The following ARHGAP10 variants were observed in gnomAD, a reference collection of about 807,000 sequenced individuals.
ARHGAP10 encodes the protein rho GTPase-activating protein 10.
ARHGAP10 carries 87 observed loss-of-function variants against 108.6 expected under a neutral mutation model. The ratio of observed to expected loss-of-function variants is 0.80; its 90% CI spans 0.67 to 0.96. The LOEUF (loss-of-function observed/expected upper bound fraction) is 0.96, where lower values mean the gene tolerates loss of function less well. Ranked by LOEUF, ARHGAP10 falls within the 40% of genes least tolerant of loss-of-function variation. The probability of loss-of-function intolerance (pLI) is 0.00; values close to 1 mark genes in which losing one functional copy is unlikely to be tolerated. For missense variants in ARHGAP10, 939 were observed against 954.5 expected (o/e 0.98, Z 0.21); for synonymous variants, 347 against 341.1 (o/e 1.02, Z -0.19).
chr4:147,848,941 C>A (rs529565261), intron 4 of ARHGAP10, among the ~76,000 whole-genome samples: 1 of 152,212 alleles, frequency 6.6e-6, no homozygotes, highest in Non-Finnish European at 1.5e-5. Context: ...TGACCAAATT[C>A]TTTCCTGAAG....
At chr4:147,752,952 T>G (rs1019586812) in intron 1 of ARHGAP10, among the ~76,000 whole-genome samples, 7 of 152,266 alleles carry the variant, frequency 4.6e-5, no homozygotes, top group African/African-American at 1.4e-4. Context: ...ATTTTTATTC[T>G]CTTTGGTGAT....
At chr4:148,057,684 C>T (rs1054246524) in intron 20 of ARHGAP10, among the ~76,000 whole-genome samples, 5 of 152,232 alleles carry the variant, frequency 3.3e-5, no homozygotes, top group African/African-American at 7.2e-5. Context: ...GCCCTCCTGG[C>T]TATCCCCATG....
chr4:147,913,950 C>T (rs996455749), intron 13 of ARHGAP10, among the ~76,000 whole-genome samples: 6 of 152,056 alleles, frequency 3.9e-5, no homozygotes, highest in East Asian at 3.9e-4. Flanking sequence ...GCTGGGAGTT[C>T]GAGACCATCC....
chr4:147,990,584 A>G (rs1406240190), intron 18 of ARHGAP10, among the ~76,000 whole-genome samples: 1 of 152,264 alleles, frequency 6.6e-6, no homozygotes, highest in African/African-American at 2.4e-5. Flanking sequence ...AATGTGGCAC[A>G]TATACACCAT....
At chr4:147,736,781 C>T (rs1006468184) in intron 1 of ARHGAP10, among the ~76,000 whole-genome samples, 3 of 152,116 alleles carry the variant, frequency 2.0e-5, no homozygotes, top group Non-Finnish European at 4.4e-5. Flanking sequence ...ACTATAAGTC[C>T]GTTATGATAA....
At position 147,934,118 on chromosome 4, in the gene ARHGAP10, G is replaced by C. The variant is rs1008872174; in HGVS notation, c.1229-5707G>C. Among the ~76,000 whole-genome samples, 8 of 152,246 alleles carry C rather than the reference G, an allele frequency of 5.3e-5. 1 individual carries two copies. The highest frequency in any genetic ancestry group is 1.5e-5 in the Non-Finnish European group (1 of 68,038). ...TCTCAGGTTCACTGCTGAGACCACT[G>C]TTAGTATGCAGACGAACCTTTCTGC... On this transcript the variant is annotated intron_variant, in intron 13 of 22. Coordinates refer to ENST00000336498, the MANE Select transcript of ARHGAP10 (RefSeq NM_024605.4).
intron 20 of ARHGAP10, among the ~76,000 whole-genome samples, chr4:148,062,102 G>A (rs1386275477): frequency 3.3e-5 from 5 of 152,320 alleles, no homozygotes; most frequent in Admixed American, 6.5e-5. Flanking sequence ...GGGGCGGGAC[G>A]GCCCCTGGTA....
intron 14 of ARHGAP10, among the ~76,000 whole-genome samples, chr4:147,942,899 T>G (rs1224121295): frequency 6.6e-6 from 1 of 152,248 alleles, no homozygotes; most frequent in African/African-American, 2.4e-5. Context: ...CATGCCCATA[T>G]AAGCAGATGC....
intron 1 of ARHGAP10, among the ~76,000 whole-genome samples, chr4:147,799,229 G>A (rs1731478360): frequency 6.6e-6 from 1 of 151,848 alleles, no homozygotes; most frequent in African/African-American, 2.4e-5. Context: ...GAGACGGGAT[G>A]GGGTTTTGCC....
At chr4:147,881,779 C>T (rs1327899963) in intron 9 of ARHGAP10, 59 bp from the exon 10 acceptor site, 5 of 1,506,924 alleles carry the variant, frequency 3.3e-6, no homozygotes, top group Non-Finnish European at 4.6e-6. Context: ...TATAGAATGG[C>T]TGAGTGTGTA....
chr4:148,033,896 C>T (rs575136353), intron 19 of ARHGAP10, among the ~76,000 whole-genome samples: 24 of 152,274 alleles, frequency 1.6e-4, no homozygotes, highest in Non-Finnish European at 2.6e-4. Flanking sequence ...CTCATGGTTA[C>T]GTTGTCCCGG....
At chr4:147,836,661 C>T (rs1364715756) in intron 3 of ARHGAP10, among the ~76,000 whole-genome samples, 1 of 151,998 alleles carries the variant, frequency 6.6e-6, no homozygotes. Flanking sequence ...AATCTAAGTA[C>T]CAAGTAAGCT....
intron 18 of ARHGAP10, among the ~76,000 whole-genome samples, chr4:147,968,550 TTAAG>T (rs946116660): frequency 6.6e-6 from 1 of 152,210 alleles, no homozygotes; most frequent in African/African-American, 2.4e-5. Flanking sequence ...GGACTGTAGG[TTAAG>T]TATTTCTGGT....
intron 8 of ARHGAP10, among the ~76,000 whole-genome samples, chr4:147,876,988 C>T (rs1348073722): frequency 2.0e-5 from 3 of 152,136 alleles, no homozygotes; most frequent in Admixed American, 6.6e-5. Flanking sequence ...TAATGTCTCC[C>T]GTAAATTGCT....
chr4:147,854,810 T>C (rs2126828668), intron 4 of ARHGAP10: 2 of 985,412 alleles, frequency 2.0e-6, no homozygotes, highest in East Asian at 1.1e-4. Flanking sequence ...TACCATACCA[T>C]ATATGGACGA....
At chr4:147,763,674 T>C (rs1729677830) in intron 1 of ARHGAP10, among the ~76,000 whole-genome samples, 1 of 152,072 alleles carries the variant, frequency 6.6e-6, no homozygotes, top group African/African-American at 2.4e-5. Flanking sequence ...CATTGGTTTG[T>C]TTGAGAACCC....
chr4:147,853,847 T>G lies in ARHGAP10; in HGVS notation c.385-3706T>G, dbSNP rs370784860. On this transcript the variant is annotated intron_variant, in intron 4 of 22. Coordinates refer to ENST00000336498, the MANE Select transcript of ARHGAP10 (RefSeq NM_024605.4). ...TTGAAAATACTCTCTATGGCTTCAT[T>G]GTTTACTTGTGACTCTTTCAATCCA... Among the ~76,000 whole-genome samples the G allele has an allele frequency of 3.9e-5, 6 of 152,166 alleles. No homozygotes were observed. The East Asian group carries it at 9.6e-4, about 24-fold the overall frequency.
intron 22 of ARHGAP10, among the ~76,000 whole-genome samples, chr4:148,064,913 A>C (rs1309031808): frequency 6.6e-6 from 1 of 152,188 alleles, no homozygotes; most frequent in Non-Finnish European, 1.5e-5. Context: ...AGAGGATACT[A>C]CTGTCCTTAA....
At chr4:147,734,074 A>G (rs534209994) in intron 1 of ARHGAP10, among the ~76,000 whole-genome samples, 1 of 152,128 alleles carries the variant, frequency 6.6e-6, no homozygotes, top group Admixed American at 6.5e-5. Context: ...TGCAGAGTGA[A>G]CACGAGAGAA....
Sources: allele counts gnomAD v4.1 joint callset (sites outside exome capture counted in the v4.1 genomes callset), GRCh38; gene constraint gnomAD v4.1.1; transcripts MANE v1.5; gene names NCBI Gene and HGNC (gene_info 2026-07-23, HGNC 2026-07-21).